The following TAPT1 variants were observed in gnomAD, a reference collection of about 807,000 sequenced individuals.
The protein encoded by TAPT1 is transmembrane anterior posterior transformation 1, also known as transmembrane anterior posterior transformation protein 1 homolog.
A neutral mutation model predicts 65.6 loss-of-function variants in TAPT1; 28 were observed. The ratio of observed to expected loss-of-function variants is 0.43; its 90% CI spans 0.32 to 0.59. TAPT1 has a LOEUF of 0.59. TAPT1 is among the 20% of genes least tolerant of loss of function. The pLI, the probability that TAPT1 is intolerant of heterozygous loss-of-function variation, is 0.09. For missense variants in TAPT1, 563 were observed against 679.9 expected, an observed-to-expected ratio of 0.83 and a Z score of 1.91; for synonymous variants, 278 against 245.2, an observed-to-expected ratio of 1.13 and a Z score of -1.25.
chr4:16,163,703 A>T (rs193250537), intron 13 of TAPT1, among the ~76,000 whole-genome samples, 166 bp from the exon 14 acceptor site: 85 of 152,368 alleles, frequency 5.6e-4, no homozygotes, highest in African/African-American at 1.9e-3. Context: ...ATCATTTATA[A>T]TAAAACTTAG....
intron 11 of TAPT1, among the ~76,000 whole-genome samples, chr4:16,172,830 G>GT (rs768309557): frequency 0.013 from 1,962 of 145,588 alleles, 19 homozygotes; most frequent in African/African-American, 0.016. Flanking sequence ...TGTTTTTGTT[G>GT]TTTTTTTTTT....
Position 16,174,701 on chromosome 4 carries a change from G to GC in TAPT1, c.1135dup (p.Ala379GlyfsTer3). 6.3e-7 allele frequency: 1 copy of GC among 1,592,832 alleles called. No individual in the cohort carries two copies. Among genetic ancestry groups the GC allele is most frequent in the Non-Finnish European group, 8.6e-7 (1 of 1,169,002 alleles). On this transcript the variant is annotated frameshift_variant, in exon 10 of 14. Transcript: ENST00000405303. LOFTEE classifies it high-confidence loss of function. Reference sequence around the variant, plus strand: ...CTGTCGGCTGCTAACAAGGTCAAAAGCAAGACTGGCTCTATATTCACTGTA... The same window carrying GC: ...CTGTCGGCTGCTAACAAGGTCAAAAGCCAAGACTGGCTCTATATTCACTGTA...
chr4:16,225,784 G>T, intron 1 of TAPT1: 1 of 641,120 alleles, frequency 1.6e-6, no homozygotes, highest in Non-Finnish European at 1.9e-6. Context: ...CTACCACACC[G>T]TCAGCTGTCT....
rs1747228795 is a variant in TAPT1, at chr4:16,161,298, A to G, written c.*2010T>C. 1 of 152,668 alleles carries G rather than the reference A, an allele frequency of 6.6e-6. No homozygotes were observed. Among genetic ancestry groups the G allele is most frequent in the Non-Finnish European group, 1.5e-5 (1 of 68,042 alleles). 9.5% of individuals were successfully genotyped at this position (152,668 alleles called of 1,614,324 possible). On this transcript the variant is annotated 3_prime_UTR_variant, in exon 14 of 14. Coordinates refer to ENST00000405303, the MANE Select transcript of TAPT1 (RefSeq NM_153365.3). ...AAAATAAATTCAGTGACCTTTTTAA[A>G]AAAGATTACAAAACTGAATTTATTG...
At chr4:16,180,297 G>A (rs1424041967) in intron 7 of TAPT1, among the ~76,000 whole-genome samples, 2 of 152,146 alleles carry the variant, frequency 1.3e-5, no homozygotes, top group East Asian at 3.9e-4. Context: ...CTTGCTAAAG[G>A]CCAGTGTACA....
At chr4:16,191,047 ATGTC>A in intron 4 of TAPT1, 1 of 238,742 alleles carries the variant, frequency 4.2e-6, no homozygotes, top group Non-Finnish European at 8.2e-6. Context: ...TGGTTCTAAA[ATGTC>A]TGGGCAGCAA....
At position 16,175,894 on chromosome 4, in the gene TAPT1, A is replaced by G. The variant is rs16893143; in HGVS notation, c.1107+225T>C. 0.17 allele frequency among the ~76,000 whole-genome samples: 26,057 copies of G among 152,186 alleles called. 2,672 individuals are homozygous for G. The highest frequency in any genetic ancestry group is 0.3 in the East Asian group (1,577 of 5,182). ...ATCAGAATGATTTTGAGTTAGTGAC[A>G]CTGTGACTTCGACTACTGGCTGGTC... On this transcript the variant is annotated intron_variant, in intron 9 of 13. Coordinates refer to ENST00000405303, the MANE Select transcript of TAPT1 (RefSeq NM_153365.3).
chr4:16,227,248 T>C (rs1751644763), upstream of TAPT1: 1 of 455,468 alleles, frequency 2.2e-6, no homozygotes, highest in South Asian at 1.6e-5. Context: ...CGGCGGACTT[T>C]CCACACTGTC....
intron 4 of TAPT1, among the ~76,000 whole-genome samples, chr4:16,189,222 C>T (rs974419744): frequency 3.4e-4 from 52 of 152,168 alleles, no homozygotes; most frequent in Non-Finnish European, 4.4e-5. Context: ...CTGAATGCCA[C>T]ATCCTAACAG....
chr4:16,168,426 T>G (rs993661227), intron 12 of TAPT1, among the ~76,000 whole-genome samples: 1 of 152,162 alleles, frequency 6.6e-6, no homozygotes, highest in Non-Finnish European at 1.5e-5. Flanking sequence ...GCTCCTTTCG[T>G]AGTCTCCCGT....
intron 1 of TAPT1, among the ~76,000 whole-genome samples, chr4:16,220,342 A>G (rs1440577997): frequency 6.6e-6 from 1 of 152,210 alleles, no homozygotes; most frequent in Non-Finnish European, 1.5e-5. Context: ...GTTATGCCAA[A>G]CATCTACCTC....
chr4:16,184,682 T>C (rs1431497303), intron 7 of TAPT1, among the ~76,000 whole-genome samples: 1 of 152,186 alleles, frequency 6.6e-6, no homozygotes, highest in Non-Finnish European at 1.5e-5. Context: ...GCTATCTCAT[T>C]ATGGCTTTGT....
intron 10 of TAPT1, 136 bp from the exon 11 acceptor site, chr4:16,174,408 A>G: frequency 1.3e-6 from 1 of 791,156 alleles, no homozygotes. Context: ...CACTTATAAA[A>G]TGATGTGGAA....
At chr4:16,210,897 T>C (rs1187679525) in intron 2 of TAPT1, among the ~76,000 whole-genome samples, 5 of 152,140 alleles carry the variant, frequency 3.3e-5, no homozygotes, top group Non-Finnish European at 5.9e-5. Context: ...CAAAATTATA[T>C]ACCCTTAGCT....
At chr4:16,223,883 A>G (rs1751400846) in intron 1 of TAPT1, among the ~76,000 whole-genome samples, 1 of 152,172 alleles carries the variant, frequency 6.6e-6, no homozygotes, top group African/African-American at 2.4e-5. Context: ...GGCTGTTGGG[A>G]CTGATCAACA....
chr4:16,200,553 T>C (rs1406277727), intron 3 of TAPT1, among the ~76,000 whole-genome samples: 1 of 152,208 alleles, frequency 6.6e-6, no homozygotes, highest in African/African-American at 2.4e-5. Context: ...CTTGAACTCC[T>C]GGCCTCTAGC....
intron 8 of TAPT1, chr4:16,178,986 AGT>A (rs1299972255): frequency 1.3e-5 from 2 of 152,266 alleles, no homozygotes; most frequent in African/African-American, 4.8e-5. Context: ...TCACCTACTG[AGT>A]GTACAGCTCC....
intron 1 of TAPT1, among the ~76,000 whole-genome samples, chr4:16,216,372 C>A (rs991400672): frequency 3.9e-5 from 6 of 152,202 alleles, no homozygotes; most frequent in African/African-American, 1.2e-4. Flanking sequence ...TACTCTGTTT[C>A]CTACACATGC....
At chr4:16,186,928 G>A in intron 5 of TAPT1, 50 bp from the exon 6 acceptor site, 21 of 991,468 alleles carry the variant, frequency 2.1e-5, no homozygotes, top group Non-Finnish European at 3.1e-5. Context: ...TATTATTACT[G>A]ATAATACTAT....
Sources: allele counts gnomAD v4.1 joint callset (sites outside exome capture counted in the v4.1 genomes callset), GRCh38; gene constraint gnomAD v4.1.1; transcripts MANE v1.5; gene names NCBI Gene and HGNC (gene_info 2026-07-23, HGNC 2026-07-21).